Variants in IRF2 observed in about 807,000 individuals in gnomAD.
IRF2 encodes the protein interferon regulatory factor 2.
IRF2 carries 15 observed loss-of-function variants against 40.6 expected under a neutral mutation model. The observed-to-expected ratio is 0.37, with a 90% CI of 0.25 to 0.57. The LOEUF is 0.57. IRF2 is among the 20% of genes least tolerant of loss of function. The pLI, the probability that IRF2 is intolerant of heterozygous loss-of-function variation, is 0.77. For synonymous variants in IRF2, 151 were observed against 165.5 expected (o/e 0.91, Z 0.67); for missense variants, 317 against 455.7 (o/e 0.70, Z 2.77).
At chr4:184,446,598 G>C (rs1291594919) in intron 1 of IRF2, among the ~76,000 whole-genome samples, 1 of 152,208 alleles carries the variant, frequency 6.6e-6, no homozygotes, top group Non-Finnish European at 1.5e-5. Flanking sequence ...GATACAGAAA[G>C]AAAGAAAACT....
At chr4:184,412,361 C>G (rs1367208582) in intron 5 of IRF2, among the ~76,000 whole-genome samples, 1 of 152,068 alleles carries the variant, frequency 6.6e-6, no homozygotes, top group African/African-American at 2.4e-5. Context: ...TAGAGGACAG[C>G]AGAGGGACTC....
At chr4:184,449,720 G>C (rs913564492) in intron 1 of IRF2, among the ~76,000 whole-genome samples, 5 of 152,164 alleles carry the variant, frequency 3.3e-5, no homozygotes, top group Admixed American at 2.6e-4. Context: ...AATGACTTTA[G>C]GTTTTCAAGA....
At chr4:184,401,265 CTG>C (rs1736655090) in intron 6 of IRF2, among the ~76,000 whole-genome samples, 1 of 152,166 alleles carries the variant, frequency 6.6e-6, no homozygotes, top group African/African-American at 2.4e-5. Flanking sequence ...TAATTGCTGT[CTG>C]TGGAGTGACA....
chr4:184,410,947 G>A (rs531383639), intron 5 of IRF2, among the ~76,000 whole-genome samples: 9 of 152,108 alleles, frequency 5.9e-5, no homozygotes, highest in Non-Finnish European at 1.2e-4. Flanking sequence ...CTTTGGTCAC[G>A]AAATATGGTT....
At chr4:184,410,686 C>G (rs749176476) in intron 5 of IRF2, among the ~76,000 whole-genome samples, 1 of 152,144 alleles carries the variant, frequency 6.6e-6, no homozygotes, top group African/African-American at 2.4e-5. Flanking sequence ...GCTGTCTGAC[C>G]TTATTTTTTT....
chr4:184,411,381 C>G (rs1737067884), intron 5 of IRF2, among the ~76,000 whole-genome samples: 1 of 152,146 alleles, frequency 6.6e-6, no homozygotes, highest in Non-Finnish European at 1.5e-5. Flanking sequence ...CATTCTTACC[C>G]TGTATCCTGC....
At chr4:184,417,570 T>C (rs1737324977) in intron 5 of IRF2, among the ~76,000 whole-genome samples, 1 of 151,634 alleles carries the variant, frequency 6.6e-6, no homozygotes, top group Non-Finnish European at 1.5e-5. Flanking sequence ...TGTAGGGGAG[T>C]TCAGACGACA....
chr4:184,391,132 G>C (rs547780455), intron 7 of IRF2, among the ~76,000 whole-genome samples: 4 of 152,320 alleles, frequency 2.6e-5, no homozygotes, highest in Admixed American at 6.5e-5. Flanking sequence ...GTTTCCAAAA[G>C]GTCTTCCTAC....
At chr4:184,426,467 G>A (rs1321041172) in intron 2 of IRF2, among the ~76,000 whole-genome samples, 1 of 152,066 alleles carries the variant, frequency 6.6e-6, no homozygotes, top group Non-Finnish European at 1.5e-5. Flanking sequence ...CTCTTATAAA[G>A]ACACTCCTCA....
chr4:184,422,527 C>G (rs760353499), intron 2 of IRF2, among the ~76,000 whole-genome samples: 1 of 152,160 alleles, frequency 6.6e-6, no homozygotes, highest in South Asian at 2.1e-4. Context: ...GGAAACAACC[C>G]GAGTGTCCAT....
At position 184,418,207 on chromosome 4, in the gene IRF2, T is replaced by C; in HGVS notation, c.371A>G (p.Lys124Arg). ...LSERPSKKGK[K>R]PKTEKEDKVK... is the part of the protein sequence containing the mutation. ...TTTGTCTTCTTTTTCTGTCTTTGGTTTCTTTCCTGTGGCAACAAAAATGTA... is the reference window on the plus strand; with the variant it reads ...TTTGTCTTCTTTTTCTGTCTTTGGTCTCTTTCCTGTGGCAACAAAAATGTA... The change falls in exon 5 of 9, where the codon AAA becomes AGA. Residue 124 changes from lysine (K) to arginine (R), a missense_variant. By Grantham distance (26) the Lys-to-Arg change is conservative (BLOSUM62 2). Around this residue, in one of 2 missense-constraint regions of IRF2, gnomAD observed 262 missense variants for 334.0 expected, o/e 0.78. Coordinates refer to ENST00000393593, the MANE Select transcript of IRF2 (RefSeq NM_002199.4). 6.2e-7 allele frequency: 1 copy of C among 1,613,446 alleles called. No individual in the cohort carries two copies. The highest frequency in any genetic ancestry group is 8.5e-7 in the Non-Finnish European group (1 of 1,179,326).
chr4:184,424,205 G>A (rs1195176703), intron 2 of IRF2, among the ~76,000 whole-genome samples: 1 of 152,156 alleles, frequency 6.6e-6, no homozygotes, highest in African/African-American at 2.4e-5. Flanking sequence ...CATAACCAAA[G>A]GTAAATTGCC....
intron 1 of IRF2, among the ~76,000 whole-genome samples, chr4:184,471,404 G>C (rs529653368): frequency 3.9e-5 from 6 of 152,232 alleles, no homozygotes; most frequent in African/African-American, 1.4e-4. Context: ...ACTGTGTCTG[G>C]CTTATAATAG....
Position 184,388,883 on chromosome 4 carries a change from G to C in IRF2, c.925C>G (p.Gln309Glu). 6.2e-7 allele frequency: 1 copy of C among 1,614,044 alleles called. No homozygotes were observed. Among genetic ancestry groups the C allele is most frequent in the East Asian group, 2.2e-5 (1 of 44,870 alleles). ...VPYNSSWPPFQDLPLSSSMTP... is the reference protein window; with the variant it reads ...VPYNSSWPPFEDLPLSSSMTP... ...ATGGAGGAAGAAAGGGGGAGGTCTT[G>C]AAAAGGGGGCCAGGAGCTGTTGTAA... is the stretch of plus-strand genomic sequence containing the variant. Residue 309 changes from glutamine (Q) to glutamate (E), a missense_variant, in exon 9 of 9, where the codon CAA becomes GAA. Physicochemically the swap from Gln to Glu is conservative, Grantham distance 29. Around this residue, in one of 2 missense-constraint regions of IRF2, gnomAD observed 262 missense variants for 334.0 expected, o/e 0.78. Transcript: ENST00000393593. The surrounding 1 kb of genome is among the most constrained non-coding windows in gnomAD (Gnocchi z 4.6).
intron 1 of IRF2, among the ~76,000 whole-genome samples, chr4:184,468,433 G>C (rs1421612204): frequency 6.6e-6 from 1 of 150,948 alleles, no homozygotes; most frequent in Admixed American, 6.6e-5. Context: ...GTTGCAGTGA[G>C]CCGAGATCAC....
chr4:184,431,995 A>T (rs1737899912), intron 1 of IRF2: 1 of 152,214 alleles, frequency 6.6e-6, no homozygotes, highest in Non-Finnish European at 1.5e-5. Context: ...TAAAGTTCTC[A>T]CAGACAGGCA....
intron 1 of IRF2, among the ~76,000 whole-genome samples, chr4:184,459,408 T>C (rs1182099934): frequency 1.3e-5 from 2 of 152,202 alleles, no homozygotes; most frequent in African/African-American, 4.8e-5. Flanking sequence ...CAGGCAATCG[T>C]TGCTACAGAA....
At chr4:184,435,557 G>A (rs185471631) in intron 1 of IRF2, among the ~76,000 whole-genome samples, 20 of 152,292 alleles carry the variant, frequency 1.3e-4, no homozygotes, top group African/African-American at 3.6e-4. Context: ...TAACAAGGTA[G>A]TTAAAAATTA....
intron 6 of IRF2, among the ~76,000 whole-genome samples, chr4:184,407,845 A>G (rs1736915939): frequency 6.6e-6 from 1 of 152,196 alleles, no homozygotes; most frequent in Non-Finnish European, 1.5e-5. Flanking sequence ...AGTTAAATAA[A>G]TACTCTTTTG....
Sources: allele counts gnomAD v4.1 joint callset (sites outside exome capture counted in the v4.1 genomes callset), GRCh38; gene constraint gnomAD v4.1.1; regional missense constraint gnomAD v4.1.1; non-coding constraint Gnocchi (gnomAD v3.1); transcripts MANE v1.5; gene names NCBI Gene and HGNC (gene_info 2026-07-23, HGNC 2026-07-21).